Variants in PRKCE observed in about 807,000 individuals in gnomAD.
The protein encoded by PRKCE is protein kinase C epsilon type.
In PRKCE, 16 loss-of-function variants were observed where a neutral mutation model predicts 85.4. That is an observed-to-expected ratio of 0.19 (90% CI 0.13 to 0.28). The LOEUF (loss-of-function observed/expected upper bound fraction) is 0.28, where lower values mean the gene tolerates loss of function less well. Among genes scored for constraint, PRKCE ranks in the 10% least tolerant of loss-of-function variants. The pLI is 1.00. For synonymous variants in PRKCE, 388 were observed against 371.5 expected (o/e 1.04, Z -0.51); for missense variants, 573 against 975.2 (o/e 0.59, Z 5.49).
chr2:45,918,026 G>A (rs1221903151), intron 2 of PRKCE, among the ~76,000 whole-genome samples: 1 of 152,220 alleles, frequency 6.6e-6, no homozygotes, highest in Non-Finnish European at 1.5e-5. Flanking sequence ...CTAGCGCCGC[G>A]CGCAGCCCCG....
At chr2:45,695,865 G>T (rs1678101906) in intron 1 of PRKCE, among the ~76,000 whole-genome samples, 1 of 152,128 alleles carries the variant, frequency 6.6e-6, no homozygotes, top group African/African-American at 2.4e-5. Flanking sequence ...AAAAGAAACA[G>T]ATTTTAACGT....
At position 45,682,447 on chromosome 2, in the gene PRKCE, G is replaced by C. The variant is rs530967256; in HGVS notation, c.348+29999G>C. On this transcript the variant is annotated intron_variant, in intron 1 of 14. Coordinates refer to ENST00000306156, the MANE Select transcript of PRKCE (RefSeq NM_005400.3). ...TTTTTTATTTATTTATTTTTTTTGA[G>C]ACAGAATCTTGCTCTGTTGACCAGG... 2.6e-5 allele frequency among the ~76,000 whole-genome samples: 4 copies of C among 151,592 alleles called. No individual in the cohort carries two copies. The South Asian group carries it at 6.3e-4, about 24-fold the overall frequency.
chr2:46,014,168 CAAATT>C (rs1705927526), intron 10 of PRKCE, among the ~76,000 whole-genome samples: 1 of 152,176 alleles, frequency 6.6e-6, no homozygotes, highest in Non-Finnish European at 1.5e-5. Context: ...GACAGAACAA[CAAATT>C]AAGCCAGTGG....
chr2:46,181,554 G>A (rs1161776292), intron 14 of PRKCE, among the ~76,000 whole-genome samples: 4 of 152,204 alleles, frequency 2.6e-5, no homozygotes, highest in Non-Finnish European at 1.5e-5. Flanking sequence ...GACACCACTA[G>A]CAGTATTGAC....
chr2:45,743,217 T>C (rs1387036965), intron 1 of PRKCE, among the ~76,000 whole-genome samples: 2 of 152,158 alleles, frequency 1.3e-5, no homozygotes, highest in African/African-American at 4.8e-5. Context: ...CAGTTAATAA[T>C]AATGTGTTGT....
At chr2:45,915,152 G>A (rs963181676) in intron 2 of PRKCE, among the ~76,000 whole-genome samples, 1 of 152,202 alleles carries the variant, frequency 6.6e-6, no homozygotes, top group Admixed American at 6.5e-5. Context: ...GCCTCCCAAA[G>A]TGCTGGGATT....
In PRKCE at chr2:45,932,128, C is replaced by T. The variant is rs377471405; in HGVS notation, c.413-44301C>T. 1.3e-4 allele frequency among the ~76,000 whole-genome samples: 20 copies of T among 152,348 alleles called. 1 individual carries two copies. The highest frequency in any genetic ancestry group is 4.8e-4 in the African/African-American group (20 of 41,588). Reference sequence around the variant, plus strand: ...CACTACCCCTCACCCAACTTCTTGACTCTCAAGAACGTGGAATAGTTTTAC... The same window carrying T: ...CACTACCCCTCACCCAACTTCTTGATTCTCAAGAACGTGGAATAGTTTTAC... On this transcript the variant is annotated intron_variant, in intron 2 of 14. Transcript: ENST00000306156.
chr2:46,007,327 A>G (rs1236131912), intron 8 of PRKCE, 135 bp from the exon 9 acceptor site: 2 of 798,018 alleles, frequency 2.5e-6, no homozygotes, highest in Admixed American at 4.8e-5. Context: ...ATACAAAGGG[A>G]TGTCACACTG....
chr2:45,914,041 G>A (rs757354511), intron 2 of PRKCE, among the ~76,000 whole-genome samples: 3 of 152,154 alleles, frequency 2.0e-5, no homozygotes, highest in East Asian at 3.8e-4. Flanking sequence ...GATTGAAACC[G>A]TTAACAATGT....
chr2:45,945,043 C>T (rs550358844), intron 2 of PRKCE, among the ~76,000 whole-genome samples: 3 of 152,184 alleles, frequency 2.0e-5, no homozygotes, highest in African/African-American at 7.2e-5. Flanking sequence ...CTGAGCCTTC[C>T]ATTGCCAAAA....
chr2:46,070,428 G>A (rs1157714026), intron 10 of PRKCE, among the ~76,000 whole-genome samples: 1 of 152,204 alleles, frequency 6.6e-6, no homozygotes, highest in African/African-American at 2.4e-5. Flanking sequence ...TGGATCACGA[G>A]GTCAGGAGAT....
Position 45,677,357 on chromosome 2 carries a change from T to G in PRKCE, c.348+24909T>G, listed in dbSNP as rs865973536. 7.0e-3 allele frequency among the ~76,000 whole-genome samples: 1,047 copies of G among 149,142 alleles called. 16 individuals carry two copies. Among genetic ancestry groups the G allele is most frequent in the African/African-American group, 0.023 (947 of 40,662 alleles). On this transcript the variant is annotated intron_variant, in intron 1 of 14. Transcript: ENST00000306156. ...TTTTTTTTTTTGTTGTTGTTGTTTT[T>G]TTTTTTTTTTGAGACGGAGTCTCGC...
intron 2 of PRKCE, among the ~76,000 whole-genome samples, chr2:45,951,823 T>C (rs1574000426): frequency 6.6e-6 from 1 of 152,126 alleles, no homozygotes; most frequent in African/African-American, 2.4e-5. Context: ...ACTCTCAGAC[T>C]CTTTTGTTTT....
intron 10 of PRKCE, among the ~76,000 whole-genome samples, chr2:46,046,457 G>T (rs1453486701): frequency 6.6e-6 from 1 of 152,216 alleles, no homozygotes; most frequent in Admixed American, 6.5e-5. Context: ...GAATCTCTGG[G>T]CTGAGGCCCA....
chr2:45,744,144 T>C (rs1304672417), intron 1 of PRKCE, among the ~76,000 whole-genome samples: 1 of 152,118 alleles, frequency 6.6e-6, no homozygotes, highest in African/African-American at 2.4e-5. Flanking sequence ...CCTTGTCAAA[T>C]GGGAATAATA....
rs1675930906 is a variant in PRKCE at position 46,145,031 on chromosome 2, C to T, written c.1593-62C>T. ...CCCTAAGATAGGCACATACCTCCAA[C>T]TCAGGAAGACTATATTGGGGTGAGT... On this transcript the variant is annotated intron_variant, in intron 11 of 14. Coordinates refer to ENST00000306156, the MANE Select transcript of PRKCE (RefSeq NM_005400.3). This position sits in a 1 kb window ranked among gnomAD's most constrained non-coding sequence, Gnocchi z 4.6. 33 of 1,587,564 alleles carry T rather than the reference C, an allele frequency of 2.1e-5. No homozygotes were observed. In the South Asian group the frequency reaches 3.3e-4, roughly 16 times the overall value.
chr2:45,948,542 G>A (rs1700395050), intron 2 of PRKCE, among the ~76,000 whole-genome samples: 1 of 152,204 alleles, frequency 6.6e-6, no homozygotes, highest in African/African-American at 2.4e-5. Context: ...AAGAGGCTGA[G>A]GTGGGAGGAT....
At chr2:45,879,503 C>G (rs148336118) in intron 2 of PRKCE, among the ~76,000 whole-genome samples, 1 of 152,362 alleles carries the variant, frequency 6.6e-6, no homozygotes, top group East Asian at 1.9e-4. Context: ...AACACTTAAG[C>G]TGTCCCCAGA....
At chr2:45,776,716 A>C (rs572698264) in intron 1 of PRKCE, among the ~76,000 whole-genome samples, 16 of 152,030 alleles carry the variant, frequency 1.1e-4, no homozygotes, top group African/African-American at 3.9e-4. Flanking sequence ...CCACCATGAC[A>C]CTCTGATTCC....
Sources: gnomAD v4.1 joint callset for allele counts (sites outside exome capture counted in the v4.1 genomes callset) on GRCh38, gnomAD v4.1.1 for gene constraint, Gnocchi (gnomAD v3.1) non-coding constraint, MANE v1.5 for transcripts, NCBI Gene and HGNC (gene_info 2026-07-23, HGNC 2026-07-21) for gene names.